The following OR4N2 variants were observed in gnomAD, a reference collection of about 807,000 sequenced individuals.
OR4N2 encodes olfactory receptor 4N2.
For synonymous variants in OR4N2, 141 were observed against 140.4 expected, an observed-to-expected ratio of 1.00 and a Z score of -0.03; for missense variants, 307 against 377.6, an observed-to-expected ratio of 0.81 and a Z score of 1.55.
At chr14:19,805,855 C>T (rs1345722195) in intron 1 of OR4N2, among the ~76,000 whole-genome samples, 2 of 152,260 alleles carry the variant, frequency 1.3e-5, no homozygotes, top group East Asian at 3.9e-4. Flanking sequence ...AAGGGAACCC[C>T]ATCAGGCTAG....
rs1879793851 is a variant in OR4N2, at chr14:19,828,773, T to C, written c.*401T>C. The C allele has an allele frequency of 5.3e-6, 1 of 190,204 alleles. No individual in the cohort carries two copies. Among genetic ancestry groups the C allele is most frequent in the South Asian group, 9.8e-5 (1 of 10,226 alleles). 11.8% of individuals were successfully genotyped at this position (190,204 alleles called of 1,614,324 possible). On this transcript the variant is annotated 3_prime_UTR_variant, in exon 2 of 2. Coordinates refer to ENST00000557677, the MANE Select transcript of OR4N2 (RefSeq NM_001004723.3). ...GCAAACATGCAAACATTTGTGGTTA[T>C]AGTAATCTAGACGGAGGGCACAGGT...
At chr14:19,816,162 G>T (rs1879421682) in intron 1 of OR4N2, among the ~76,000 whole-genome samples, 1 of 151,026 alleles carries the variant, frequency 6.6e-6, no homozygotes. Context: ...TTTTTGCTTA[G>T]GATTGTCTTG....
At chr14:19,816,604 T>C (rs1444571954) in intron 1 of OR4N2, among the ~76,000 whole-genome samples, 7 of 152,252 alleles carry the variant, frequency 4.6e-5, no homozygotes, top group South Asian at 4.1e-4. Context: ...GCTAAGAAGA[T>C]GGGATTTTCT....
intron 1 of OR4N2, among the ~76,000 whole-genome samples, chr14:19,823,166 CTT>C (rs1303655876): frequency 1.3e-5 from 2 of 152,242 alleles, no homozygotes; most frequent in Admixed American, 1.3e-4. Context: ...AAATATAAAA[CTT>C]ATTATTTCAT....
At chr14:19,824,119 C>G (rs886383357) in intron 1 of OR4N2, among the ~76,000 whole-genome samples, 1 of 152,238 alleles carries the variant, frequency 6.6e-6, no homozygotes, top group South Asian at 2.1e-4. Context: ...ATGGTACAGA[C>G]TTTTGACAGA....
chr14:19,827,404 T>C (rs775446851), intron 1 of OR4N2, 36 bp from the exon 2 acceptor site: 2 of 1,507,170 alleles, frequency 1.3e-6, no homozygotes, highest in African/African-American at 1.4e-5. Context: ...GAAGACATAG[T>C]AATAACAATT....
intron 1 of OR4N2, among the ~76,000 whole-genome samples, chr14:19,818,897 T>C (rs1879493462): frequency 6.6e-6 from 1 of 152,238 alleles, no homozygotes; most frequent in East Asian, 1.9e-4. Flanking sequence ...AATCTGTTAG[T>C]ATTTTCTTAT....
intron 1 of OR4N2, among the ~76,000 whole-genome samples, chr14:19,813,721 T>C (rs1215625192): frequency 6.6e-6 from 1 of 152,194 alleles, no homozygotes; most frequent in Non-Finnish European, 1.5e-5. Context: ...AGAAATCTCA[T>C]ACCAGATGCC....
chr14:19,827,153 A>AATCC (rs1879719506), intron 1 of OR4N2, among the ~76,000 whole-genome samples: 1 of 152,266 alleles, frequency 6.6e-6, no homozygotes, highest in Non-Finnish European at 1.5e-5. Context: ...AGAATGTAGG[A>AATCC]ATCCCAACGT....
chr14:19,811,391 C>T lies in OR4N2; in HGVS notation c.-10+7547C>T, dbSNP rs534419457. 1.2e-4 allele frequency among the ~76,000 whole-genome samples: 19 copies of T among 152,298 alleles called. No homozygotes were observed. In the South Asian group the frequency reaches 3.5e-3, roughly 28 times the overall value. On this transcript the variant is annotated intron_variant, in intron 1 of 1. Coordinates refer to ENST00000557677, the MANE Select transcript of OR4N2 (RefSeq NM_001004723.3). ...CCTCCCAAATAGCTGATACTACAGG[C>T]GCCCACCACCACGCCTGGCTAATTT...
chr14:19,812,329 C>CTTTTTTTTTTTTTTTTT (rs3078143), intron 1 of OR4N2, among the ~76,000 whole-genome samples: 557 of 117,270 alleles, frequency 4.7e-3, no homozygotes, highest in East Asian at 9.9e-3. Context: ...CTTTTCTTTT[C>CTTTTTTTTTTTTTTTTT]TTTTTTTTTT....
In OR4N2 at chr14:19,829,820, T is replaced by TA. The variant is rs1439954947; in HGVS notation, c.*1451dup. The stretch of plus-strand genomic sequence containing the variant: ...TCGCCAAAGTTTATACTTAGGAATA[T>TA]AAATTTTGTACATGGTAAAAATATT... On this transcript the variant is annotated 3_prime_UTR_variant, in exon 2 of 2. Transcript: ENST00000557677. 1.3e-5 allele frequency: 2 copies of TA among 152,282 alleles called. No individual in the cohort carries two copies. Among genetic ancestry groups the TA allele is most frequent in the Non-Finnish European group, 2.9e-5 (2 of 68,048 alleles). 9.4% of individuals were successfully genotyped at this position (152,282 alleles called of 1,614,324 possible). A position where few individuals can be genotyped will look rare whatever the true frequency, so the allele number is the denominator to read the frequency against.
intron 1 of OR4N2, among the ~76,000 whole-genome samples, chr14:19,818,606 A>C (rs1387095814): frequency 3.4e-4 from 51 of 152,180 alleles, no homozygotes; most frequent in Non-Finnish European, 5.7e-4. Flanking sequence ...TCCTGAATAC[A>C]GCACACCAAT....
chr14:19,823,749 G>C (rs774141415), intron 1 of OR4N2, among the ~76,000 whole-genome samples: 44 of 151,076 alleles, frequency 2.9e-4, no homozygotes, highest in Non-Finnish European at 1.2e-4. Flanking sequence ...AAACAGAGAA[G>C]GGGAAAAGAA....
intron 1 of OR4N2, among the ~76,000 whole-genome samples, chr14:19,818,936 T>C (rs1485839199): frequency 3.3e-5 from 5 of 152,270 alleles, no homozygotes; most frequent in Non-Finnish European, 5.9e-5. Flanking sequence ...CTCCTTCGCT[T>C]ATGAAGCTTA....
chr14:19,819,953 G>A (rs553646210), intron 1 of OR4N2, among the ~76,000 whole-genome samples: 1 of 152,368 alleles, frequency 6.6e-6, no homozygotes, highest in South Asian at 2.1e-4. Flanking sequence ...CTCTGCTGCA[G>A]GTCTGCTGGA....
chr14:19,821,006 G>C (rs1310902682), intron 1 of OR4N2, among the ~76,000 whole-genome samples: 1 of 152,256 alleles, frequency 6.6e-6, no homozygotes, highest in Non-Finnish European at 1.5e-5. Flanking sequence ...CTACCTCAGT[G>C]TCTGCCCAAA....
intron 1 of OR4N2, among the ~76,000 whole-genome samples, chr14:19,825,712 C>A (rs560224083): frequency 6.6e-6 from 1 of 152,226 alleles, no homozygotes; most frequent in South Asian, 2.1e-4. Context: ...ACCACCACCA[C>A]GTCCAGCTAA....
intron 1 of OR4N2, among the ~76,000 whole-genome samples, chr14:19,823,931 C>T (rs1228900499): frequency 2.6e-5 from 4 of 152,258 alleles, no homozygotes; most frequent in African/African-American, 7.2e-5. Context: ...CACACTCAGA[C>T]TCCAGGCATG....
Sources: gnomAD v4.1 joint callset for allele counts (sites outside exome capture counted in the v4.1 genomes callset) on GRCh38, gnomAD v4.1.1 for gene constraint, MANE v1.5 for transcripts, NCBI Gene and HGNC (gene_info 2026-07-23, HGNC 2026-07-21) for gene names.